FREM2: variants seen among roughly 807,000 people sequenced by gnomAD.
The protein encoded by FREM2 is FRAS1 related extracellular matrix 2.
In FREM2, 119 loss-of-function variants were observed where a neutral mutation model predicts 219.9. That is an observed-to-expected ratio of 0.54 (90% CI 0.47 to 0.63). The LOEUF is 0.63. Among genes scored for constraint, FREM2 ranks in the 30% least tolerant of loss-of-function variants. The pLI, the probability that FREM2 is intolerant of heterozygous loss-of-function variation, is 0.00. For synonymous variants in FREM2, 1,562 were observed against 1,522.8 expected (o/e 1.03, Z -0.60); for missense variants, 4,030 against 3,993.6 (o/e 1.01, Z -0.25).
intron 6 of FREM2, among the ~76,000 whole-genome samples, chr13:38,833,582 A>G (rs966916834): frequency 1.3e-5 from 2 of 152,096 alleles, no homozygotes; most frequent in African/African-American, 4.8e-5. Flanking sequence ...TGTTATCTCA[A>G]TTTTTAGGTT....
At position 38,691,523 on chromosome 13, in the gene FREM2, A is replaced by C. The variant is rs1869858939; in HGVS notation, c.4179A>C (p.Leu1393=). ...TGGGGCAAGAGGGCATTCGGGACCT[A>C]ATTAAATTTGATGTGACTGATGGAA... ...VHLGQEGIRD[L]IKFDVTDGIN... The change falls in exon 1 of 24, where the codon CTA becomes CTC. Residue 1393 remains leucine (L), a synonymous_variant. Transcript: ENST00000280481. 2 of 1,614,150 alleles carry C rather than the reference A, an allele frequency of 1.2e-6. No individual in the cohort carries two copies. The highest frequency in any genetic ancestry group is 1.7e-6 in the Non-Finnish European group (2 of 1,180,028).
At chr13:38,772,714 T>TA (rs2137818247) in intron 4 of FREM2, among the ~76,000 whole-genome samples, 1 of 130,920 alleles carries the variant, frequency 7.6e-6, no homozygotes, top group South Asian at 2.4e-4. Flanking sequence ...TTTTTTTTTT[T>TA]AGACGGAGTT....
At chr13:38,871,161 C>T (rs1878143740) in intron 16 of FREM2, among the ~76,000 whole-genome samples, 1 of 152,164 alleles carries the variant, frequency 6.6e-6, no homozygotes, top group Admixed American at 6.5e-5. Context: ...AACTACTATA[C>T]TATACAGCTA....
At chr13:38,735,979 A>G (rs1420027778) in intron 2 of FREM2, among the ~76,000 whole-genome samples, 1 of 152,186 alleles carries the variant, frequency 6.6e-6, no homozygotes, top group Non-Finnish European at 1.5e-5. Flanking sequence ...AAGAGCCTTC[A>G]GTGGCAGAAG....
At chr13:38,810,793 T>G (rs907084684) in intron 6 of FREM2, among the ~76,000 whole-genome samples, 3 of 151,944 alleles carry the variant, frequency 2.0e-5, no homozygotes, top group Non-Finnish European at 4.4e-5. Flanking sequence ...TTTATATGTC[T>G]TTATCTGACT....
intron 6 of FREM2, among the ~76,000 whole-genome samples, chr13:38,791,336 G>A (rs1874551717): frequency 6.6e-6 from 1 of 152,164 alleles, no homozygotes; most frequent in Admixed American, 6.5e-5. Context: ...CTGCTTAAAA[G>A]TCTCTCATGT....
chr13:38,780,267 T>C (rs1260312818), intron 4 of FREM2, among the ~76,000 whole-genome samples: 2 of 152,242 alleles, frequency 1.3e-5, no homozygotes, highest in Non-Finnish European at 2.9e-5. Flanking sequence ...TACCTAGCAA[T>C]TTCATCTTTC....
At chr13:38,752,513 A>G (rs1038421343) in intron 2 of FREM2, among the ~76,000 whole-genome samples, 4 of 152,184 alleles carry the variant, frequency 2.6e-5, no homozygotes, top group Non-Finnish European at 5.9e-5. Flanking sequence ...CAGTATTTTA[A>G]TTCATAGAAT....
At chr13:38,774,247 G>A (rs1337507439) in intron 4 of FREM2, among the ~76,000 whole-genome samples, 22 of 151,904 alleles carry the variant, frequency 1.4e-4, no homozygotes, top group Admixed American at 1.4e-3. Context: ...TTATTATATA[G>A]GTGAATAAAA....
At chr13:38,700,708 G>T (rs997403524) in intron 2 of FREM2, among the ~76,000 whole-genome samples, 6 of 151,980 alleles carry the variant, frequency 3.9e-5, no homozygotes, top group Non-Finnish European at 7.4e-5. Flanking sequence ...GCAACTAGAG[G>T]CTGCTTTCAA....
intron 6 of FREM2, among the ~76,000 whole-genome samples, chr13:38,828,694 G>C (rs1453339186): frequency 6.6e-6 from 1 of 150,732 alleles, no homozygotes; most frequent in African/African-American, 2.5e-5. Context: ...CTGGGCAACA[G>C]AGAGAGAGAG....
chr13:38,828,074 A>G (rs1876362403), intron 6 of FREM2, among the ~76,000 whole-genome samples: 1 of 152,154 alleles, frequency 6.6e-6, no homozygotes, highest in Admixed American at 6.6e-5. Flanking sequence ...GCATCTTTCC[A>G]TACATCCAAT....
chr13:38,827,854 A>G (rs747443526), intron 6 of FREM2, among the ~76,000 whole-genome samples: 5 of 152,156 alleles, frequency 3.3e-5, no homozygotes, highest in Non-Finnish European at 7.4e-5. Flanking sequence ...AAAATGTTTT[A>G]GAGAACTTAA....
At chr13:38,750,413 ATAAC>A (rs952157289) in intron 2 of FREM2, among the ~76,000 whole-genome samples, 1 of 151,942 alleles carries the variant, frequency 6.6e-6, no homozygotes, top group Non-Finnish European at 1.5e-5. Context: ...TTTACTTAGT[ATAAC>A]GACTTCCAGT....
intron 4 of FREM2, among the ~76,000 whole-genome samples, chr13:38,773,796 C>T (rs1873765927): frequency 6.6e-6 from 1 of 152,068 alleles, no homozygotes; most frequent in East Asian, 1.9e-4. Flanking sequence ...AAACATTTAA[C>T]TCATTTTCTG....
At chr13:38,748,829 A>G (rs910610876) in intron 2 of FREM2, among the ~76,000 whole-genome samples, 16 of 152,290 alleles carry the variant, frequency 1.1e-4, no homozygotes, top group African/African-American at 3.9e-4. Context: ...ACGGAAAAAC[A>G]TGTAAAGGAT....
chr13:38,820,932 G>A (rs2137876359), intron 6 of FREM2, among the ~76,000 whole-genome samples: 1 of 152,256 alleles, frequency 6.6e-6, no homozygotes, highest in South Asian at 2.1e-4. Flanking sequence ...ACAGACAGCA[G>A]CATCTCCACG....
At chr13:38,732,636 G>A (rs775654571) in intron 2 of FREM2, among the ~76,000 whole-genome samples, 9 of 152,148 alleles carry the variant, frequency 5.9e-5, no homozygotes, top group Non-Finnish European at 8.8e-5. Context: ...CTTACATGTG[G>A]TGCCCCGAGC....
In FREM2 at chr13:38,688,906, A is replaced by G. The variant is rs368818399; in HGVS notation, c.1562A>G (p.His521Arg). 6.2e-7 allele frequency: 1 copy of G among 1,612,962 alleles called. No individual in the cohort carries two copies. The highest frequency in any genetic ancestry group is 8.5e-7 in the Non-Finnish European group (1 of 1,179,490). Residue 521 changes from histidine to arginine, a missense_variant, in exon 1 of 24, where the codon CAT (histidine) becomes CGT (arginine). Physicochemically the swap from His to Arg is conservative, Grantham distance 29. Around this residue, in one of 2 missense-constraint regions of FREM2, gnomAD observed 3,102 missense variants for 2,950.7 expected, o/e 1.05. Transcript: ENST00000280481. ...GCAGCCGGCCAGGTGGTCTACCAGC[A>G]TGATGACAGAGACGGCTCGCTGAGC... Reference protein sequence around the residue: ...ELAAGQVVYQHDDRDGSLSDN... With the variant: ...ELAAGQVVYQRDDRDGSLSDN...
Sources: allele counts gnomAD v4.1 joint callset (sites outside exome capture counted in the v4.1 genomes callset), GRCh38; gene constraint gnomAD v4.1.1; regional missense constraint gnomAD v4.1.1; transcripts MANE v1.5; gene names NCBI Gene and HGNC (gene_info 2026-07-23, HGNC 2026-07-21).